The following GDNF variants were observed in gnomAD, a reference collection of about 807,000 sequenced individuals.
The protein encoded by GDNF is glial cell line-derived neurotrophic factor.
In GDNF, 5 loss-of-function variants were observed where a neutral mutation model predicts 13.7. The ratio of observed to expected loss-of-function variants is 0.36; its 90% CI spans 0.19 to 0.77. The LOEUF (loss-of-function observed/expected upper bound fraction) is 0.77, where lower values mean the gene tolerates loss of function less well. GDNF is among the 30% of genes least tolerant of loss of function. The pLI is 0.51. For synonymous variants in GDNF, 122 were observed against 112.5 expected (o/e 1.08, Z -0.53); for missense variants, 246 against 274.3 (o/e 0.90, Z 0.73).
intron 2 of GDNF, among the ~76,000 whole-genome samples, chr5:37,819,545 C>T (rs557681733): frequency 2.0e-5 from 3 of 151,512 alleles, no homozygotes; most frequent in East Asian, 1.9e-4. Context: ...CTCCAATTCC[C>T]GGGTTCAAGT....
At chr5:37,836,179 G>C (rs866355655) in intron 1 of GDNF, among the ~76,000 whole-genome samples, 3 of 150,570 alleles carry the variant, frequency 2.0e-5, no homozygotes, top group Non-Finnish European at 4.4e-5. Context: ...TCCATAAAAC[G>C]GTTCTTAGGA....
intron 1 of GDNF, chr5:37,835,598 G>T: frequency 6.5e-7 from 1 of 1,528,022 alleles, no homozygotes; most frequent in African/African-American, 1.4e-5. Context: ...ACAAGCTCTA[G>T]CGGAACATGT....
chr5:37,828,069 C>G (rs1246066171), intron 2 of GDNF, among the ~76,000 whole-genome samples: 1 of 152,172 alleles, frequency 6.6e-6, no homozygotes, highest in Non-Finnish European at 1.5e-5. Flanking sequence ...AGTTGTTTCC[C>G]AGTGGTGACC....
At chr5:37,823,894 G>T in intron 2 of GDNF, 1 of 186,994 alleles carries the variant, frequency 5.3e-6, no homozygotes, top group Non-Finnish European at 1.0e-5. Flanking sequence ...CAAGGGAGTA[G>T]ACCACCTCTG....
intron 2 of GDNF, among the ~76,000 whole-genome samples, chr5:37,817,241 C>T (rs1749964972): frequency 6.6e-6 from 1 of 152,098 alleles, no homozygotes; most frequent in African/African-American, 2.4e-5. Context: ...TTGCTTTGGC[C>T]AATCAAGTCA....
At chr5:37,822,723 G>A (rs1029243328) in intron 2 of GDNF, among the ~76,000 whole-genome samples, 3 of 152,014 alleles carry the variant, frequency 2.0e-5, no homozygotes, top group Admixed American at 6.6e-5. Context: ...GATCTCTCTC[G>A]ATCTATAAAC....
intron 1 of GDNF, 143 bp from the exon 2 acceptor site, chr5:37,834,965 C>T: frequency 1.4e-6 from 1 of 715,196 alleles, no homozygotes; most frequent in Non-Finnish European, 2.3e-6. Context: ...TCGGGCACTC[C>T]TGCCCTCCTT....
rs1300183653 is a variant in GDNF at position 37,834,818 on chromosome 5, G to C, written c.-22C>G. On this transcript the variant is annotated 5_prime_UTR_variant, in exon 2 of 3. Coordinates refer to ENST00000326524, the MANE Select transcript of GDNF (RefSeq NM_000514.4). ...TCATCTTAAAGTCCCGTCCGGCGGC[G>C]GCACCTGCGCGGGCAGGCGGGAGGT... The C allele has an allele frequency of 5.0e-6, 8 of 1,612,440 alleles. No individual in the cohort carries two copies. The highest frequency in any genetic ancestry group is 5.9e-6 in the Non-Finnish European group (7 of 1,179,326).
intron 2 of GDNF, among the ~76,000 whole-genome samples, chr5:37,834,092 C>A (rs919582293): frequency 6.6e-6 from 1 of 152,208 alleles, no homozygotes; most frequent in Non-Finnish European, 1.5e-5. Context: ...AACAGAGGAA[C>A]TTTTCTGAAC....
intron 2 of GDNF, among the ~76,000 whole-genome samples, chr5:37,825,466 T>C (rs1011123235): frequency 6.6e-6 from 1 of 152,178 alleles, no homozygotes; most frequent in African/African-American, 2.4e-5. Flanking sequence ...TGGTGTGAGC[T>C]AAAAGCACTC....
chr5:37,814,556 A>G lies in GDNF; in HGVS notation c.*1095T>C, dbSNP rs1749842322. 1 of 152,260 alleles carries G rather than the reference A, an allele frequency of 6.6e-6. No homozygotes were observed. The highest frequency in any genetic ancestry group is 2.1e-4 in the South Asian group (1 of 4,832). 9.4% of individuals were successfully genotyped at this position (152,260 alleles called of 1,614,324 possible). On this transcript the variant is annotated 3_prime_UTR_variant, in exon 3 of 3. Coordinates refer to ENST00000326524, the MANE Select transcript of GDNF (RefSeq NM_000514.4). ...TGAAAAGCATGGACCCTTGTTCCCA[A>G]TTCAAATTTCCTTTTGTCACCTTTC...
At chr5:37,816,192 T>A in intron 2 of GDNF, 57 bp from the exon 3 acceptor site, 1 of 1,592,846 alleles carries the variant, frequency 6.3e-7, no homozygotes, top group Non-Finnish European at 8.6e-7. Context: ...TTTCAAGCCG[T>A]CTTCAAGATC....
At chr5:37,836,120 C>A (rs570142546) in intron 1 of GDNF, among the ~76,000 whole-genome samples, 2 of 152,218 alleles carry the variant, frequency 1.3e-5, no homozygotes, top group Middle Eastern at 3.4e-3. Context: ...TCTCCTCAAG[C>A]GGAATCTGCG....
At chr5:37,833,349 G>A (rs1750586983) in intron 2 of GDNF, among the ~76,000 whole-genome samples, 1 of 152,166 alleles carries the variant, frequency 6.6e-6, no homozygotes, top group Admixed American at 6.5e-5. Context: ...AGCCTTTAAA[G>A]TAGGTTTATA....
In GDNF at chr5:37,815,312, A is replaced by G. The variant is rs558003481; in HGVS notation, c.*339T>C. On this transcript the variant is annotated 3_prime_UTR_variant, in exon 3 of 3. Transcript: ENST00000326524. This position sits in a 1 kb window ranked among gnomAD's most constrained non-coding sequence, Gnocchi z 5.0. ...ATCCACCGCAACCGCGCCGGTAATC[A>G]GTGATGGTGGACTGTATCAGCTGAA... is the stretch of plus-strand genomic sequence containing the variant. The G allele has an allele frequency of 7.8e-6, 3 of 383,896 alleles. No individual in the cohort carries two copies. Among genetic ancestry groups the G allele is most frequent in the South Asian group, 2.7e-5 (1 of 36,826 alleles). The allele number at this position is 383,896 out of a possible 1,614,324, so 23.8% of individuals were successfully genotyped here.
intron 2 of GDNF, 132 bp downstream of exon 2, chr5:37,834,514 C>T (rs2111718635): frequency 3.6e-6 from 3 of 844,110 alleles, no homozygotes; most frequent in South Asian, 2.0e-5. Flanking sequence ...CTTCAGCACC[C>T]GCACCCCTTG....
intron 2 of GDNF, among the ~76,000 whole-genome samples, chr5:37,828,044 T>C (rs905743753): frequency 6.6e-6 from 1 of 152,230 alleles, no homozygotes; most frequent in African/African-American, 2.4e-5. Context: ...GGGTTTTGCC[T>C]CTACTGAGCT....
At chr5:37,830,950 T>G (rs1750504134) in intron 2 of GDNF, among the ~76,000 whole-genome samples, 1 of 152,220 alleles carries the variant, frequency 6.6e-6, no homozygotes, top group Non-Finnish European at 1.5e-5. Flanking sequence ...TTATGGGATG[T>G]GCCCCCCAGG....
chr5:37,835,739 G>C, intron 1 of GDNF: 1 of 1,216,320 alleles, frequency 8.2e-7, no homozygotes, highest in Non-Finnish European at 1.2e-6. Context: ...AGAGATTCTG[G>C]CCCTAATCCC....
Sources: gnomAD v4.1 joint callset for allele counts (sites outside exome capture counted in the v4.1 genomes callset) on GRCh38, gnomAD v4.1.1 for gene constraint, Gnocchi (gnomAD v3.1) non-coding constraint, MANE v1.5 for transcripts, NCBI Gene and HGNC (gene_info 2026-07-23, HGNC 2026-07-21) for gene names.